MEGF11: variants seen among roughly 807,000 people sequenced by gnomAD.
MEGF11 encodes multiple EGF like domains 11, also known as multiple epidermal growth factor-like domains protein 11.
A neutral mutation model predicts 146.6 loss-of-function variants in MEGF11; 126 were observed. The ratio of observed to expected loss-of-function variants is 0.86; its 90% confidence interval spans 0.74 to 1.00. MEGF11 has a LOEUF of 1.00. MEGF11 is among the 50% of genes least tolerant of loss of function. The pLI is 0.00. For synonymous variants in MEGF11, 532 were observed against 583.4 expected (o/e 0.91, Z 1.27); for missense variants, 1,509 against 1,521.2 (o/e 0.99, Z 0.13).
At chr15:65,941,684 AG>A (rs2079997519) in intron 10 of MEGF11, among the ~76,000 whole-genome samples, 1 of 152,234 alleles carries the variant, frequency 6.6e-6, no homozygotes, top group African/African-American at 2.4e-5. Context: ...AGTTTAGAGA[AG>A]GCATTACTGG....
At chr15:66,206,227 T>G (rs1489239303) in intron 1 of MEGF11, among the ~76,000 whole-genome samples, 1 of 152,064 alleles carries the variant, frequency 6.6e-6, no homozygotes, top group Non-Finnish European at 1.5e-5. Context: ...AATTGCCCAT[T>G]CTGAATAACA....
chr15:65,941,891 A>AAGCCACAGGT (rs2080005138), intron 10 of MEGF11, among the ~76,000 whole-genome samples: 1 of 152,238 alleles, frequency 6.6e-6, no homozygotes, highest in Non-Finnish European at 1.5e-5. Flanking sequence ...CCTGTGGCTT[A>AAGCCACAGGT]GGGCAGACCC....
At chr15:66,144,625 C>T (rs569079859) in intron 1 of MEGF11, among the ~76,000 whole-genome samples, 2 of 152,308 alleles carry the variant, frequency 1.3e-5, no homozygotes, top group South Asian at 2.1e-4. Flanking sequence ...TGACCCCTCC[C>T]CTTAGCAGCT....
chr15:66,063,478 T>G (rs557482683), intron 5 of MEGF11, among the ~76,000 whole-genome samples: 3 of 152,290 alleles, frequency 2.0e-5, no homozygotes, highest in African/African-American at 7.2e-5. Context: ...CTGGAAAGCC[T>G]GGGGAAGTGA....
chr15:66,112,989 C>T (rs1230476890), intron 4 of MEGF11, among the ~76,000 whole-genome samples: 3 of 152,136 alleles, frequency 2.0e-5, no homozygotes, highest in South Asian at 4.1e-4. Flanking sequence ...CATAGGAATT[C>T]GATTTAAATT....
intron 1 of MEGF11, among the ~76,000 whole-genome samples, chr15:66,160,278 T>A (rs1240398956): frequency 6.7e-6 from 1 of 149,526 alleles, no homozygotes; most frequent in Non-Finnish European, 1.5e-5. Context: ...TCTCTCTCTC[T>A]CACTGCTTTC....
chr15:66,122,065 C>T (rs1405163387), intron 3 of MEGF11, among the ~76,000 whole-genome samples: 2 of 152,062 alleles, frequency 1.3e-5, no homozygotes, highest in African/African-American at 4.8e-5. Context: ...GAGTTCGAGA[C>T]CAGCCTGGCC....
At chr15:66,024,087 C>T (rs1433440483) in intron 5 of MEGF11, among the ~76,000 whole-genome samples, 4 of 152,216 alleles carry the variant, frequency 2.6e-5, no homozygotes, top group East Asian at 1.9e-4. Context: ...GGGGCTGGTT[C>T]GTTCCTGGGG....
At chr15:66,061,315 C>G (rs2084896944) in intron 5 of MEGF11, among the ~76,000 whole-genome samples, 1 of 152,200 alleles carries the variant, frequency 6.6e-6, no homozygotes, top group African/African-American at 2.4e-5. Context: ...GCAGGCCGTC[C>G]CAGGCATTCT....
intron 10 of MEGF11, among the ~76,000 whole-genome samples, chr15:65,935,918 T>C (rs1288572996): frequency 6.6e-6 from 1 of 152,220 alleles, no homozygotes; most frequent in Non-Finnish European, 1.5e-5. Flanking sequence ...TCTCCGGTGA[T>C]TGATGTTCAT....
intron 1 of MEGF11, among the ~76,000 whole-genome samples, chr15:66,180,519 C>T (rs1007098564): frequency 1.3e-5 from 2 of 152,228 alleles, no homozygotes; most frequent in African/African-American, 2.4e-5. Context: ...ACAGTCTCAT[C>T]CCCCTCCTGA....
At chr15:66,052,241 G>A (rs1174570462) in intron 5 of MEGF11, among the ~76,000 whole-genome samples, 1 of 152,148 alleles carries the variant, frequency 6.6e-6, no homozygotes, top group Non-Finnish European at 1.5e-5. Context: ...GTGGGGCTGT[G>A]CTGGGGGTGG....
At chr15:66,215,760 A>G (rs567449492) in intron 1 of MEGF11, among the ~76,000 whole-genome samples, 2 of 152,318 alleles carry the variant, frequency 1.3e-5, no homozygotes, top group South Asian at 4.1e-4. Flanking sequence ...TCCAGACACC[A>G]GGCCACAGTC....
chr15:66,153,300 C>T (rs921327472), intron 1 of MEGF11, among the ~76,000 whole-genome samples: 15 of 152,266 alleles, frequency 9.9e-5, no homozygotes, highest in African/African-American at 3.4e-4. Flanking sequence ...CTGGGCCAGG[C>T]GCGGTGGCTC....
chr15:66,098,707 T>G (rs2086654868), intron 4 of MEGF11, among the ~76,000 whole-genome samples: 1 of 152,186 alleles, frequency 6.6e-6, no homozygotes, highest in Non-Finnish European at 1.5e-5. Flanking sequence ...AGGCTGTCAT[T>G]GGATTCAGCT....
At chr15:66,182,012 A>T (rs2141154812) in intron 1 of MEGF11, among the ~76,000 whole-genome samples, 1 of 152,340 alleles carries the variant, frequency 6.6e-6, no homozygotes, top group Middle Eastern at 3.4e-3. Flanking sequence ...GTAGAGTCTC[A>T]TTAACAGTTG....
At chr15:66,207,140 G>T (rs2091319512) in intron 1 of MEGF11, among the ~76,000 whole-genome samples, 1 of 151,914 alleles carries the variant, frequency 6.6e-6, no homozygotes, top group Non-Finnish European at 1.5e-5. Flanking sequence ...AATATAGAGA[G>T]AAATAATAGC....
At chr15:65,959,420 A>AGTC (rs2080778776) in intron 9 of MEGF11, among the ~76,000 whole-genome samples, 1 of 152,248 alleles carries the variant, frequency 6.6e-6, no homozygotes, top group Admixed American at 6.5e-5. Context: ...AAAAGTGTTT[A>AGTC]GTCTCATTAA....
chr15:66,220,263 G>A (rs973650392), intron 1 of MEGF11, among the ~76,000 whole-genome samples: 1 of 151,798 alleles, frequency 6.6e-6, no homozygotes, highest in African/African-American at 2.4e-5. Context: ...CCGCCATGTG[G>A]TACTTTGTTA....
Sources: gnomAD v4.1 joint callset for allele counts (sites outside exome capture counted in the v4.1 genomes callset) on GRCh38, gnomAD v4.1.1 for gene constraint, MANE v1.5 for transcripts, NCBI Gene and HGNC (gene_info 2026-07-23, HGNC 2026-07-21) for gene names.